The following KIAA1217 variants were observed in gnomAD, a reference collection of about 807,000 sequenced individuals.
KIAA1217 encodes the protein KIAA1217, also known as sickle tail protein homolog.
Under a neutral mutation model 163.9 loss-of-function variants are expected in KIAA1217, and 88 were observed. The ratio of observed to expected loss-of-function variants is 0.54; its 90% confidence interval spans 0.45 to 0.64. The LOEUF is 0.64. KIAA1217 is among the 30% of genes least tolerant of loss of function. The pLI is 0.00. For missense variants in KIAA1217, 2,372 were observed against 2,475.0 expected, an observed-to-expected ratio of 0.96 and a Z score of 0.88; for synonymous variants, 903 against 923.1, an observed-to-expected ratio of 0.98 and a Z score of 0.39.
chr10:23,758,103 G>T (rs1169701189), intron 1 of KIAA1217, among the ~76,000 whole-genome samples: 1 of 151,998 alleles, frequency 6.6e-6, no homozygotes, highest in South Asian at 2.1e-4. Flanking sequence ...TGTCCCTTTG[G>T]TGTTATCATA....
At chr10:24,337,109 C>T (rs1439015926) in intron 2 of KIAA1217, among the ~76,000 whole-genome samples, 1 of 152,196 alleles carries the variant, frequency 6.6e-6, no homozygotes, top group African/African-American at 2.4e-5. Context: ...ACACTAACAA[C>T]AGTGTGAAAA....
intron 2 of KIAA1217, among the ~76,000 whole-genome samples, chr10:24,198,467 G>A (rs546392641): frequency 1.8e-4 from 27 of 152,074 alleles, no homozygotes; most frequent in Non-Finnish European, 3.5e-4. Flanking sequence ...AAATTAGCCA[G>A]GCGTGGTGGT....
At chr10:24,302,199 T>TAG in intron 2 of KIAA1217, among the ~76,000 whole-genome samples, 1 of 152,184 alleles carries the variant, frequency 6.6e-6, no homozygotes, top group South Asian at 2.1e-4. Flanking sequence ...CTTAGCACCC[T>TAG]CCACCTAGCA....
At chr10:23,855,161 C>G (rs887229218) in intron 1 of KIAA1217, among the ~76,000 whole-genome samples, 10 of 152,124 alleles carry the variant, frequency 6.6e-5, no homozygotes, top group African/African-American at 2.4e-4. Flanking sequence ...ACCGGTTGTT[C>G]CTTTCCATGT....
chr10:24,005,618 A>G (rs928142933), intron 1 of KIAA1217, among the ~76,000 whole-genome samples: 2 of 152,210 alleles, frequency 1.3e-5, no homozygotes, highest in African/African-American at 4.8e-5. Context: ...AATGTGTGAG[A>G]TCACTTCTAC....
At chr10:24,495,226 G>A in intron 8 of KIAA1217, 30 bp downstream of exon 8, 2 of 1,592,028 alleles carry the variant, frequency 1.3e-6, no homozygotes, top group African/African-American at 2.7e-5. Context: ...GCTGTAGGAG[G>A]CCTGTGGGCT....
chr10:24,383,617 C>T (rs1007581432), intron 3 of KIAA1217, among the ~76,000 whole-genome samples: 3 of 152,212 alleles, frequency 2.0e-5, no homozygotes, highest in Non-Finnish European at 4.4e-5. Context: ...TTATTCTGCC[C>T]TCCCTGTGAG....
intron 5 of KIAA1217, among the ~76,000 whole-genome samples, chr10:24,447,149 T>C (rs912676464): frequency 6.6e-6 from 1 of 152,118 alleles, no homozygotes; most frequent in Non-Finnish European, 1.5e-5. Context: ...ACTCCCCTTT[T>C]CCTGACTGCA....
At chr10:24,000,921 G>C (rs533684883) in intron 1 of KIAA1217, among the ~76,000 whole-genome samples, 1 of 152,334 alleles carries the variant, frequency 6.6e-6, no homozygotes, top group East Asian at 1.9e-4. Flanking sequence ...TTGGTTATGT[G>C]GGGGAAAATG....
At chr10:24,004,225 C>A (rs1174965417) in intron 1 of KIAA1217, among the ~76,000 whole-genome samples, 1 of 152,146 alleles carries the variant, frequency 6.6e-6, no homozygotes, top group Non-Finnish European at 1.5e-5. Flanking sequence ...GATCCACCCA[C>A]CTCAGCCTCC....
chr10:24,363,255 C>A (rs1220865322), intron 2 of KIAA1217, among the ~76,000 whole-genome samples: 7 of 152,116 alleles, frequency 4.6e-5, no homozygotes, highest in Non-Finnish European at 1.0e-4. Flanking sequence ...TGTGGTTACC[C>A]AATATTTATT....
At chr10:24,217,604 T>C (rs1176894316) in intron 1 of KIAA1217, among the ~76,000 whole-genome samples, 1 of 152,222 alleles carries the variant, frequency 6.6e-6, no homozygotes, top group African/African-American at 2.4e-5. Context: ...GAGTTCTATA[T>C]ACAGATCTTT....
In KIAA1217 at chr10:24,546,579, G is replaced by T. The variant is rs1592865446; in HGVS notation, c.*255G>T. ...ATGCAGTAAGCATGTGTTACAGAAA[G>T]AGGTTCTGGTGGGAGAGAAAGGTGC... On this transcript the variant is annotated 3_prime_UTR_variant, in exon 21 of 21. Coordinates refer to ENST00000376454, the MANE Select transcript of KIAA1217 (RefSeq NM_019590.5). 2.6e-6 allele frequency: 1 copy of T among 391,486 alleles called. No homozygotes were observed. The highest frequency in any genetic ancestry group is 4.3e-5 in the East Asian group (1 of 23,514). The allele number at this position is 391,486 out of a possible 1,614,324, so 24.3% of individuals were successfully genotyped here.
intron 2 of KIAA1217, chr10:24,367,221 T>A (rs563377389): frequency 7.4e-6 from 7 of 941,228 alleles, no homozygotes; most frequent in Non-Finnish European, 8.9e-6. Flanking sequence ...ACCTGTTCTT[T>A]TTCTGCATCG....
chr10:24,337,232 C>T (rs1052468748), intron 2 of KIAA1217, among the ~76,000 whole-genome samples: 2 of 152,110 alleles, frequency 1.3e-5, no homozygotes, highest in African/African-American at 4.8e-5. Context: ...TTTTTAAAAC[C>T]CAATTTAAAA....
chr10:23,735,760 T>A (rs907122835), intron 1 of KIAA1217, among the ~76,000 whole-genome samples: 1 of 152,306 alleles, frequency 6.6e-6, no homozygotes, highest in Non-Finnish European at 1.5e-5. Flanking sequence ...CTTTGTGATA[T>A]CTTATTTAAA....
chr10:23,737,878 T>C (rs1464563023), intron 1 of KIAA1217, among the ~76,000 whole-genome samples: 8 of 152,050 alleles, frequency 5.3e-5, no homozygotes, highest in Non-Finnish European at 1.0e-4. Flanking sequence ...CTTGGTGGTC[T>C]GGATGATATT....
chr10:23,819,173 A>G (rs1029440445), intron 1 of KIAA1217, among the ~76,000 whole-genome samples: 2 of 152,102 alleles, frequency 1.3e-5, no homozygotes, highest in Non-Finnish European at 2.9e-5. Flanking sequence ...CTTTCTTGGG[A>G]GCAGAATCTC....
At chr10:23,857,974 G>A (rs1194642693) in intron 1 of KIAA1217, among the ~76,000 whole-genome samples, 1 of 151,592 alleles carries the variant, frequency 6.6e-6, no homozygotes, top group African/African-American at 2.4e-5. Context: ...AAAAAGAGGG[G>A]TGGGCCAGAG....
Sources: allele counts gnomAD v4.1 joint callset (sites outside exome capture counted in the v4.1 genomes callset), GRCh38; gene constraint gnomAD v4.1.1; transcripts MANE v1.5; gene names NCBI Gene and HGNC (gene_info 2026-07-23, HGNC 2026-07-21).